Variants in TPD52L2 observed in about 807,000 individuals in gnomAD.
TPD52L2 encodes tumor protein D54.
A neutral mutation model predicts 24.7 loss-of-function variants in TPD52L2; 19 were observed. The ratio of observed to expected loss-of-function variants is 0.77; its 90% confidence interval spans 0.54 to 1.13. TPD52L2 has a LOEUF of 1.13. Ranked by LOEUF, TPD52L2 falls within the 50% of genes most tolerant of loss-of-function variation. The pLI, the probability that TPD52L2 is intolerant of heterozygous loss-of-function variation, is 0.00. For synonymous variants in TPD52L2, 104 were observed against 100.2 expected (o/e 1.04, Z -0.23); for missense variants, 236 against 250.4 (o/e 0.94, Z 0.39).
At chr20:63,887,765 C>T in intron 5 of TPD52L2, 1 of 716,814 alleles carries the variant, frequency 1.4e-6, no homozygotes, top group Non-Finnish European at 2.4e-6. Context: ...TAAAAACCCC[C>T]TCTAGGCTGA....
chr20:63,881,542 G>A (rs2146223648), intron 4 of TPD52L2, among the ~76,000 whole-genome samples: 1 of 152,276 alleles, frequency 6.6e-6, no homozygotes, highest in South Asian at 2.1e-4. Context: ...GGGAGTGGTG[G>A]GAGGGCCTGT....
In TPD52L2 at chr20:63,869,339, C is replaced by T. The variant is rs2052375881; in HGVS notation, c.63C>T (p.Ser21=). 2.5e-6 allele frequency: 4 copies of T among 1,614,172 alleles called. No homozygotes were observed. Among genetic ancestry groups the T allele is most frequent in the Non-Finnish European group, 3.4e-6 (4 of 1,180,026 alleles). The change falls in exon 2 of 7, where the codon TCC becomes TCT. Residue 21 remains serine (S), a synonymous_variant. Transcript: ENST00000346249. The stretch of plus-strand genomic sequence containing the variant: ...CTAACAAAGGTCTGCTGTCTGACTC[C>T]ATGACGGATGTTCCTGTCGACACAG... The part of the protein sequence containing the change: ...NSPNKGLLSD[S]MTDVPVDTGV...
intron 1 of TPD52L2, among the ~76,000 whole-genome samples, chr20:63,867,560 G>A (rs2052298856): frequency 1.4e-5 from 2 of 147,690 alleles, no homozygotes; most frequent in South Asian, 2.1e-4. Flanking sequence ...AGTAAGACTC[G>A]TCTAAAAAAA....
chr20:63,886,394 T>G (rs1195965933), intron 5 of TPD52L2, among the ~76,000 whole-genome samples: 1 of 151,678 alleles, frequency 6.6e-6, no homozygotes. Context: ...GGAGTCTTGC[T>G]CTGTCGCCCA....
chr20:63,873,387 G>A (rs1276158698), intron 2 of TPD52L2, among the ~76,000 whole-genome samples: 2 of 151,978 alleles, frequency 1.3e-5, no homozygotes, highest in East Asian at 3.9e-4. Context: ...TACTTGGGAG[G>A]CTGAGGCAGG....
chr20:63,883,905 G>A (rs1217763003), intron 5 of TPD52L2, among the ~76,000 whole-genome samples: 1 of 152,066 alleles, frequency 6.6e-6, no homozygotes, highest in Non-Finnish European at 1.5e-5. Flanking sequence ...GCCAGGTGGG[G>A]GTCGTCCTGC....
chr20:63,870,057 G>T (rs1480811402), intron 2 of TPD52L2, among the ~76,000 whole-genome samples: 1 of 152,194 alleles, frequency 6.6e-6, no homozygotes, highest in Non-Finnish European at 1.5e-5. Context: ...GAGGCCAGGA[G>T]GTCAAGGCTT....
intron 6 of TPD52L2, 56 bp downstream of exon 6, chr20:63,889,294 C>G: frequency 6.8e-7 from 1 of 1,464,608 alleles, no homozygotes; most frequent in Non-Finnish European, 9.5e-7. Flanking sequence ...GTTACAGCAA[C>G]TTGTTTATTA....
chr20:63,885,923 C>A, intron 5 of TPD52L2: 1 of 1,398,824 alleles, frequency 7.1e-7, no homozygotes, highest in Non-Finnish European at 1.0e-6. Context: ...AGCAGGGGGC[C>A]TCCCCTGGGG....
chr20:63,869,584 G>A, intron 2 of TPD52L2, 143 bp downstream of exon 2: 1 of 1,045,454 alleles, frequency 9.6e-7, no homozygotes, highest in Non-Finnish European at 1.4e-6. Context: ...CTGATAACGG[G>A]GTTCTCTTTG....
At chr20:63,876,072 A>T (rs1439326932) in intron 4 of TPD52L2, among the ~76,000 whole-genome samples, 197 bp downstream of exon 4, 1 of 152,112 alleles carries the variant, frequency 6.6e-6, no homozygotes, top group Admixed American at 6.6e-5. Context: ...GCTGAGAGAA[A>T]CTCACTCAGC....
intron 3 of TPD52L2, among the ~76,000 whole-genome samples, chr20:63,875,403 C>G (rs1238263634): frequency 6.6e-6 from 1 of 152,168 alleles, no homozygotes; most frequent in Non-Finnish European, 1.5e-5. Context: ...AGACATGTTC[C>G]TATACAAAGA....
At chr20:63,882,325 G>A (rs1328983509) in intron 4 of TPD52L2, among the ~76,000 whole-genome samples, 4 of 152,264 alleles carry the variant, frequency 2.6e-5, no homozygotes, top group Admixed American at 2.0e-4. Context: ...CAGGGGGCCC[G>A]TCCGCTCTAG....
intron 2 of TPD52L2, 39 bp from the exon 3 acceptor site, chr20:63,873,629 A>G (rs1234500291): frequency 1.2e-6 from 2 of 1,605,576 alleles, no homozygotes; most frequent in East Asian, 2.3e-5. Context: ...CACTTCCTGC[A>G]GTAGTGATGG....
chr20:63,875,619 A>G (rs543196110), intron 3 of TPD52L2, among the ~76,000 whole-genome samples, 197 bp from the exon 4 acceptor site: 44 of 152,344 alleles, frequency 2.9e-4, no homozygotes, highest in African/African-American at 1.0e-3. Flanking sequence ...CAGTTCCGCT[A>G]TACCCACAGC....
chr20:63,873,499 A>C (rs2052545021), intron 2 of TPD52L2, among the ~76,000 whole-genome samples, 169 bp from the exon 3 acceptor site: 1 of 152,194 alleles, frequency 6.6e-6, no homozygotes, highest in Admixed American at 6.5e-5. Flanking sequence ...AAAAAAAAAA[A>C]AAACCAAAAC....
intron 5 of TPD52L2, chr20:63,887,890 G>C (rs1169612883): frequency 3.8e-6 from 2 of 529,444 alleles, no homozygotes; most frequent in Non-Finnish European, 6.8e-6. Flanking sequence ...TGCAGTGGGT[G>C]GGGTGGGGTT....
Position 63,884,590 on chromosome 20 carries a change from C to G in TPD52L2, c.476+1770C>G, listed in dbSNP as rs149275290. On this transcript the variant is annotated intron_variant, in intron 5 of 6. Coordinates refer to ENST00000346249, the MANE Select transcript of TPD52L2 (RefSeq NM_003288.4). ...GAAGCACAGGGACACGGTCCTGGTT[C>G]TCTGTCTGCTCCTCCTTCTCTGATG... 2.6e-5 allele frequency among the ~76,000 whole-genome samples: 4 copies of G among 152,316 alleles called. No individual in the cohort carries two copies. In the East Asian group the frequency reaches 7.7e-4, roughly 29 times the overall value.
At chr20:63,880,624 C>G (rs2052857141) in intron 4 of TPD52L2, among the ~76,000 whole-genome samples, 1 of 152,240 alleles carries the variant, frequency 6.6e-6, no homozygotes, top group Non-Finnish European at 1.5e-5. Flanking sequence ...GGCACGGTGG[C>G]TCACACCTGT....
Sources: gnomAD v4.1 joint callset for allele counts (sites outside exome capture counted in the v4.1 genomes callset) on GRCh38, gnomAD v4.1.1 for gene constraint, MANE v1.5 for transcripts, NCBI Gene and HGNC (gene_info 2026-07-23, HGNC 2026-07-21) for gene names.